Variants in PAK5 observed in about 807,000 individuals in gnomAD.
The protein encoded by PAK5 is serine/threonine-protein kinase PAK 5.
A neutral mutation model predicts 65.9 loss-of-function variants in PAK5; 16 were observed. The observed-to-expected ratio is 0.24, with a 90% CI of 0.16 to 0.37. The LOEUF (loss-of-function observed/expected upper bound fraction) is 0.37, where lower values mean the gene tolerates loss of function less well. Among genes scored for constraint, PAK5 ranks in the 10% least tolerant of loss-of-function variants. PAK5 has a pLI of 1.00. For missense variants in PAK5, 785 were observed against 903.9 expected (o/e 0.87, Z 1.69); for synonymous variants, 371 against 354.9 (o/e 1.05, Z -0.51).
intron 1 of PAK5, among the ~76,000 whole-genome samples, chr20:9,795,722 G>T (rs1378223052): frequency 6.6e-6 from 1 of 151,874 alleles, no homozygotes; most frequent in Non-Finnish European, 1.5e-5. Context: ...AAATCCAATA[G>T]TTCAGAAAGA....
chr20:9,559,377 A>G (rs1271507050), intron 6 of PAK5, among the ~76,000 whole-genome samples: 1 of 152,206 alleles, frequency 6.6e-6, no homozygotes, highest in Non-Finnish European at 1.5e-5. Flanking sequence ...TTGAATTTTC[A>G]TTTCAGTTTA....
At position 9,538,548 on chromosome 20, in the gene PAK5, C is replaced by T. The variant is rs59858752; in HGVS notation, c.*914G>A. On this transcript the variant is annotated 3_prime_UTR_variant, in exon 10 of 10. Transcript: ENST00000353224. ...ATGATCCTAGCACTGAAATTGCTCC[C>T]TGGGAGGGAAATTTGGCCACAAGGG... 7.3e-3 allele frequency: 1,693 copies of T among 233,250 alleles called. 16 individuals carry two copies. Among genetic ancestry groups the T allele is most frequent in the African/African-American group, 0.026 (1,177 of 45,410 alleles). The allele number at this position is 233,250 out of a possible 1,614,324, so 14.4% of individuals were successfully genotyped here. A position where few individuals can be genotyped will look rare whatever the true frequency, so the allele number is the denominator to read the frequency against.
At chr20:9,687,889 G>T (rs2047740751) in intron 2 of PAK5, among the ~76,000 whole-genome samples, 1 of 94,368 alleles carries the variant, frequency 1.1e-5, no homozygotes, top group Non-Finnish European at 2.4e-5. Flanking sequence ...AGAGGGAGGT[G>T]TGTGTGTGTG....
intron 3 of PAK5, among the ~76,000 whole-genome samples, chr20:9,627,918 C>T (rs768998587): frequency 1.4e-4 from 21 of 152,284 alleles, no homozygotes; most frequent in Admixed American, 3.9e-4. Context: ...TGAGCCATTG[C>T]GCCTGGCCTT....
chr20:9,707,129 CTTTCTTT>C (rs2048018614), intron 2 of PAK5, among the ~76,000 whole-genome samples: 1 of 151,680 alleles, frequency 6.6e-6, no homozygotes, highest in African/African-American at 2.4e-5. Flanking sequence ...CTGTTCTTTT[CTTTCTTT>C]TTTCTTTTCT....
At chr20:9,621,384 T>A (rs2046764995) in intron 3 of PAK5, among the ~76,000 whole-genome samples, 2 of 143,568 alleles carry the variant, frequency 1.4e-5, no homozygotes, top group African/African-American at 2.5e-5. Context: ...AAAATGTCAT[T>A]AAGTTCAGGG....
At chr20:9,617,166 A>G (rs1469928163) in intron 3 of PAK5, among the ~76,000 whole-genome samples, 1 of 152,246 alleles carries the variant, frequency 6.6e-6, no homozygotes, top group Non-Finnish European at 1.5e-5. Context: ...GATTGCATTT[A>G]TAACTGGTAA....
At chr20:9,825,177 A>G (rs2123779362) in intron 1 of PAK5, among the ~76,000 whole-genome samples, 1 of 152,302 alleles carries the variant, frequency 6.6e-6, no homozygotes, top group Middle Eastern at 3.4e-3. Context: ...AATTCTTTTC[A>G]GTGGGTGGAC....
chr20:9,836,455 G>A (rs35835662), intron 1 of PAK5, among the ~76,000 whole-genome samples: 5,953 of 152,256 alleles, frequency 0.039, 189 homozygotes, highest in African/African-American at 0.093. Flanking sequence ...TGAATACAGA[G>A]GCAGAGATTG....
intron 2 of PAK5, among the ~76,000 whole-genome samples, chr20:9,670,499 G>A (rs1036261066): frequency 3.9e-5 from 6 of 152,142 alleles, no homozygotes; most frequent in Non-Finnish European, 7.3e-5. Context: ...CTGTGGTTTT[G>A]ATTAGCATTT....
intron 2 of PAK5, among the ~76,000 whole-genome samples, chr20:9,696,543 C>T (rs756646506): frequency 2.0e-5 from 3 of 152,086 alleles, no homozygotes; most frequent in African/African-American, 4.8e-5. Context: ...GCCCATGGCA[C>T]GACAAATGGT....
chr20:9,717,763 G>A (rs913190158), intron 1 of PAK5, among the ~76,000 whole-genome samples: 6 of 152,114 alleles, frequency 3.9e-5, no homozygotes, highest in Non-Finnish European at 5.9e-5. Context: ...GGGATTACAG[G>A]TGCCCGCCAC....
At chr20:9,717,155 A>T (rs1240117526) in intron 1 of PAK5, among the ~76,000 whole-genome samples, 2 of 152,168 alleles carry the variant, frequency 1.3e-5, no homozygotes, top group Non-Finnish European at 2.9e-5. Flanking sequence ...CAGCTATACC[A>T]TTCTGAACAT....
At chr20:9,548,373 T>A (rs2045376567) in intron 7 of PAK5, among the ~76,000 whole-genome samples, 1 of 152,124 alleles carries the variant, frequency 6.6e-6, no homozygotes, top group South Asian at 2.1e-4. Flanking sequence ...ACTCTCTTTT[T>A]TTTTTTAATT....
chr20:9,597,157 A>C (rs2046284217), intron 3 of PAK5, among the ~76,000 whole-genome samples: 1 of 152,220 alleles, frequency 6.6e-6, no homozygotes, highest in South Asian at 2.1e-4. Flanking sequence ...TGAAGCCTTC[A>C]CCAAATCACT....
At chr20:9,766,648 C>A (rs985307038) in intron 1 of PAK5, among the ~76,000 whole-genome samples, 7 of 149,896 alleles carry the variant, frequency 4.7e-5, no homozygotes, top group African/African-American at 1.7e-4. Context: ...GTAAAAGAAG[C>A]CAACATGAGA....
At chr20:9,717,442 A>C (rs2048162079) in intron 1 of PAK5, among the ~76,000 whole-genome samples, 1 of 152,230 alleles carries the variant, frequency 6.6e-6, no homozygotes, top group Non-Finnish European at 1.5e-5. Flanking sequence ...GTACAAAACC[A>C]TTCCAAGCAG....
At chr20:9,710,918 A>G (rs141842273) in intron 2 of PAK5, among the ~76,000 whole-genome samples, 50 of 152,202 alleles carry the variant, frequency 3.3e-4, no homozygotes, top group Middle Eastern at 3.4e-3. Flanking sequence ...TTCAAACCCT[A>G]CTTGGCTGGA....
chr20:9,701,968 C>G (rs2047945147), intron 2 of PAK5, among the ~76,000 whole-genome samples: 1 of 152,002 alleles, frequency 6.6e-6, no homozygotes, highest in African/African-American at 2.4e-5. Flanking sequence ...TCACTGCACT[C>G]CAGCCTGCAC....
Sources: gnomAD v4.1 joint callset for allele counts (sites outside exome capture counted in the v4.1 genomes callset) on GRCh38, gnomAD v4.1.1 for gene constraint, MANE v1.5 for transcripts, NCBI Gene and HGNC (gene_info 2026-07-23, HGNC 2026-07-21) for gene names.